EXOC4: variants seen among roughly 807,000 people sequenced by gnomAD.
EXOC4 encodes the protein exocyst complex component 4.
In EXOC4, 71 loss-of-function variants were observed where a neutral mutation model predicts 107.2. The observed-to-expected ratio is 0.66, with a 90% confidence interval of 0.55 to 0.81. The LOEUF (loss-of-function observed/expected upper bound fraction) is 0.81. Among genes scored for constraint, EXOC4 ranks in the 30% least tolerant of loss-of-function variants. The pLI, the probability that EXOC4 is intolerant of heterozygous loss-of-function variation, is 0.00. For missense variants in EXOC4, 1,108 were observed against 1,189.6 expected, an observed-to-expected ratio of 0.93 and a Z score of 1.01; for synonymous variants, 456 against 441.2, an observed-to-expected ratio of 1.03 and a Z score of -0.42.
At chr7:133,728,199 G>A (rs1046850011) in intron 10 of EXOC4, among the ~76,000 whole-genome samples, 12 of 152,200 alleles carry the variant, frequency 7.9e-5, no homozygotes, top group Admixed American at 4.6e-4. Flanking sequence ...TAGTGCATCA[G>A]GTGGAGAGAG....
chr7:133,373,952 A>G (rs1796431903), intron 6 of EXOC4, among the ~76,000 whole-genome samples: 1 of 152,324 alleles, frequency 6.6e-6, no homozygotes, highest in East Asian at 1.9e-4. Context: ...GGCTCATGTG[A>G]TAAGTTCCTT....
At chr7:134,054,465 T>A (rs539474290) in intron 17 of EXOC4, among the ~76,000 whole-genome samples, 1 of 152,192 alleles carries the variant, frequency 6.6e-6, no homozygotes, top group African/African-American at 2.4e-5. Context: ...TTTCCTGGAG[T>A]CCTTGATGTG....
At chr7:133,660,926 T>A (rs1803425233) in intron 10 of EXOC4, among the ~76,000 whole-genome samples, 1 of 152,176 alleles carries the variant, frequency 6.6e-6, no homozygotes, top group Non-Finnish European at 1.5e-5. Context: ...TTAATTCTCA[T>A]AACAGTCATT....
In EXOC4 at chr7:133,997,552, T is replaced by A. The variant is rs1484908444; in HGVS notation, c.2267T>A (p.Ile756Asn). ...NTDLPPVSEQIMQTLSELAKS... is the reference protein window; with the variant it reads ...NTDLPPVSEQNMQTLSELAKS... The stretch of plus-strand genomic sequence containing the variant: ...GATCTCCCCCCAGTGTCAGAGCAGA[T>A]CATGCAGACTCTCAGTGAACTTGCC... The change falls in exon 15 of 18, where the codon ATC (isoleucine) becomes AAC (asparagine). Residue 756 changes from isoleucine (I) to asparagine (N), a missense_variant. Coordinates refer to ENST00000253861, the MANE Select transcript of EXOC4 (RefSeq NM_021807.4). 6.2e-7 allele frequency: 1 copy of A among 1,613,634 alleles called. No homozygotes were observed. The highest frequency in any genetic ancestry group is 1.3e-5 in the African/African-American group (1 of 74,886).
At chr7:133,687,648 T>C (rs1794335352) in intron 10 of EXOC4, among the ~76,000 whole-genome samples, 1 of 152,152 alleles carries the variant, frequency 6.6e-6, no homozygotes, top group Non-Finnish European at 1.5e-5. Context: ...AGCACCTGAC[T>C]GAAGCCTTCT....
At chr7:133,752,309 G>A (rs1317266652) in intron 10 of EXOC4, among the ~76,000 whole-genome samples, 3 of 152,208 alleles carry the variant, frequency 2.0e-5, no homozygotes, top group South Asian at 2.1e-4. Context: ...AGGAAAAAGC[G>A]AAAAAAGCAT....
intron 9 of EXOC4, among the ~76,000 whole-genome samples, chr7:133,489,771 G>A (rs1319421053): frequency 1.3e-5 from 2 of 152,080 alleles, no homozygotes; most frequent in African/African-American, 2.4e-5. Flanking sequence ...TGCCTTTGAA[G>A]GCCAAAAGAA....
At chr7:134,073,215 A>AAC in the EXOC4 span, among the ~76,000 whole-genome samples, 1 of 44,578 alleles carries the variant, frequency 2.2e-5, no homozygotes, top group South Asian at 1.1e-3. Context: ...CAAAAAAAAA[A>AAC]AAAAAAAAAA....
rs5887619 is a variant in EXOC4 at position 133,300,885 on chromosome 7, A to ATT, written c.472-4983_472-4982dup. On this transcript the variant is annotated intron_variant, in intron 3 of 17. Coordinates refer to ENST00000253861, the MANE Select transcript of EXOC4 (RefSeq NM_021807.4). The stretch of plus-strand genomic sequence containing the variant: ...TCAAGTTAATAATATGATAGATACC[A>ATT]TTTTTTTTTTCTAAGCTTCATTGTT... Among the ~76,000 whole-genome samples the ATT allele has an allele frequency of 2.2e-4, 33 of 150,652 alleles. 1 individual carries two copies. The Middle Eastern group carries it at 0.01, about 47-fold the overall frequency.
chr7:133,571,718 A>G (rs1379460049), intron 9 of EXOC4, among the ~76,000 whole-genome samples: 3 of 151,596 alleles, frequency 2.0e-5, no homozygotes, highest in African/African-American at 4.8e-5. Flanking sequence ...TCACTGTTCC[A>G]GAGGCTGGAA....
intron 14 of EXOC4, among the ~76,000 whole-genome samples, chr7:133,958,562 A>G (rs550675540): frequency 1.3e-5 from 2 of 152,238 alleles, no homozygotes; most frequent in African/African-American, 4.8e-5. Context: ...TTCTTAAACA[A>G]TCTTTCCTAT....
intron 7 of EXOC4, among the ~76,000 whole-genome samples, chr7:133,416,556 G>A (rs1041304941): frequency 1.3e-5 from 2 of 152,142 alleles, no homozygotes; most frequent in Non-Finnish European, 2.9e-5. Context: ...ACTTTATCCA[G>A]CATGGAGAGA....
At chr7:133,293,351 G>A (rs547401553) in intron 3 of EXOC4, among the ~76,000 whole-genome samples, 4 of 152,274 alleles carry the variant, frequency 2.6e-5, no homozygotes, top group Non-Finnish European at 4.4e-5. Flanking sequence ...CCATGGTTAT[G>A]TACTGTTAGA....
chr7:133,932,614 G>A (rs1385219505), intron 13 of EXOC4, among the ~76,000 whole-genome samples: 1 of 152,094 alleles, frequency 6.6e-6, no homozygotes. Flanking sequence ...GTAGGCCACA[G>A]ACATAATGGC....
At chr7:133,612,820 A>G (rs1802100815) in intron 9 of EXOC4, among the ~76,000 whole-genome samples, 1 of 152,178 alleles carries the variant, frequency 6.6e-6, no homozygotes, top group African/African-American at 2.4e-5. Context: ...GACAAAATAC[A>G]AGAGTGAAGA....
Position 133,518,760 on chromosome 7 carries a change from C to T in EXOC4, c.1417+38622C>T, listed in dbSNP as rs141420911. Among the ~76,000 whole-genome samples the T allele has an allele frequency of 3.3e-5, 5 of 152,136 alleles. No homozygotes were observed. The East Asian group carries it at 9.7e-4, about 29-fold the overall frequency. Reference sequence around the variant, plus strand: ...AAAGGACAAATATTGTATGACTCCACTTATAGATGGTATCTAAAGTAGTCA... The same window carrying T: ...AAAGGACAAATATTGTATGACTCCATTTATAGATGGTATCTAAAGTAGTCA... On this transcript the variant is annotated intron_variant, in intron 9 of 17. Transcript: ENST00000253861.
intron 10 of EXOC4, among the ~76,000 whole-genome samples, chr7:133,787,957 A>C (rs10247146): frequency 6.0e-5 from 1 of 16,732 alleles, no homozygotes; most frequent in Admixed American, 8.8e-4. Flanking sequence ...GCATATATTT[A>C]TATATTTATA....
intron 17 of EXOC4, among the ~76,000 whole-genome samples, chr7:134,053,463 A>G (rs1413925368): frequency 1.3e-5 from 2 of 151,914 alleles, no homozygotes; most frequent in African/African-American, 4.8e-5. Context: ...AAAGTTGTAC[A>G]AATAGGAAGA....
chr7:133,648,351 A>G (rs1223173092), intron 10 of EXOC4, among the ~76,000 whole-genome samples: 1 of 152,204 alleles, frequency 6.6e-6, no homozygotes, highest in Non-Finnish European at 1.5e-5. Flanking sequence ...CTCTGTTGGC[A>G]CTGTCTTCTG....
Sources: allele counts gnomAD v4.1 joint callset (sites outside exome capture counted in the v4.1 genomes callset), GRCh38; gene constraint gnomAD v4.1.1; transcripts MANE v1.5; gene names NCBI Gene and HGNC (gene_info 2026-07-23, HGNC 2026-07-21).